Variants in RIMS2 observed in about 807,000 individuals in gnomAD.
RIMS2 encodes regulating synaptic membrane exocytosis protein 2.
A neutral mutation model predicts 174.4 loss-of-function variants in RIMS2; 59 were observed. The observed-to-expected ratio is 0.34, with a 90% CI of 0.27 to 0.42. RIMS2 has a LOEUF of 0.42. Ranked by LOEUF, RIMS2 falls within the 10% of genes least tolerant of loss-of-function variation. The pLI, the probability that RIMS2 is intolerant of heterozygous loss-of-function variation, is 1.00. For synonymous variants in RIMS2, 606 were observed against 572.5 expected (o/e 1.06, Z -0.84); for missense variants, 1,620 against 1,666.3 (o/e 0.97, Z 0.48).
chr8:104,123,289 A>T (rs1599409013), intron 19 of RIMS2, among the ~76,000 whole-genome samples: 1 of 152,170 alleles, frequency 6.6e-6, no homozygotes, highest in Non-Finnish European at 1.5e-5. Flanking sequence ...AACAACTCTA[A>T]AAAGCATTTC....
chr8:103,995,880 A>C (rs1421001215), intron 17 of RIMS2, among the ~76,000 whole-genome samples: 1 of 151,864 alleles, frequency 6.6e-6, no homozygotes, highest in East Asian at 1.9e-4. Context: ...AAGGAGAGAA[A>C]TCTGAGTTAT....
intron 11 of RIMS2, among the ~76,000 whole-genome samples, chr8:103,929,851 T>G (rs573178207): frequency 6.6e-6 from 1 of 151,986 alleles, no homozygotes; most frequent in African/African-American, 2.4e-5. Flanking sequence ...TTTAGTATTT[T>G]GGAGACTTTT....
Position 103,601,747 on chromosome 8 carries a change from T to C in RIMS2, c.177-95339T>C, listed in dbSNP as rs79719536. Among the ~76,000 whole-genome samples the C allele has an allele frequency of 5.3e-4, 80 of 152,222 alleles. 1 individual carries two copies. In the East Asian group the frequency reaches 0.014, roughly 27 times the overall value. ...GGGGTCTTCTCTTTCCTGTCTTTTT[T>C]AGTGAAAGTGATTTCCTCTGGTTTT... On this transcript the variant is annotated intron_variant, in intron 1 of 23. Coordinates refer to ENST00000504942, the Ensembl canonical transcript of RIMS2.
intron 3 of RIMS2, among the ~76,000 whole-genome samples, chr8:103,866,661 A>T (rs534735850): frequency 9.2e-5 from 14 of 152,216 alleles, no homozygotes; most frequent in South Asian, 6.2e-4. Context: ...CTTTTGGATT[A>T]ACGTTGTCTT....
chr8:104,045,246 C>T (rs1468937380), intron 19 of RIMS2, among the ~76,000 whole-genome samples: 3 of 151,620 alleles, frequency 2.0e-5, no homozygotes, highest in Non-Finnish European at 3.0e-5. Flanking sequence ...AATTGCATTA[C>T]GAGGTCCAAT....
At chr8:103,583,782 C>G (rs1165714916) in intron 1 of RIMS2, among the ~76,000 whole-genome samples, 1 of 152,150 alleles carries the variant, frequency 6.6e-6, no homozygotes, top group Non-Finnish European at 1.5e-5. Flanking sequence ...AGAACTAGAA[C>G]TAGCCTCAAA....
At chr8:103,682,223 A>C (rs986594103) in intron 1 of RIMS2, among the ~76,000 whole-genome samples, 4 of 152,130 alleles carry the variant, frequency 2.6e-5, no homozygotes, top group African/African-American at 9.7e-5. Context: ...TACATTTATA[A>C]GTCACTTATA....
chr8:103,709,405 A>T (rs2097275424), intron 2 of RIMS2, among the ~76,000 whole-genome samples: 1 of 129,238 alleles, frequency 7.7e-6, no homozygotes, highest in African/African-American at 3.0e-5. Context: ...GGTGTTGTAT[A>T]TTTTACTTTG....
At chr8:103,888,912 G>A (rs888393922) in intron 4 of RIMS2, among the ~76,000 whole-genome samples, 1 of 151,398 alleles carries the variant, frequency 6.6e-6, no homozygotes, top group Non-Finnish European at 1.5e-5. Context: ...CATGTATTTG[G>A]CAGAAAACTA....
chr8:104,181,747 A>G (rs941982280), intron 19 of RIMS2, among the ~76,000 whole-genome samples: 3 of 151,764 alleles, frequency 2.0e-5, no homozygotes, highest in Non-Finnish European at 3.0e-5. Context: ...CCAAATTAAA[A>G]TTGAAAAAAT....
chr8:104,138,608 T>G (rs1465924232), intron 19 of RIMS2, among the ~76,000 whole-genome samples: 1 of 152,210 alleles, frequency 6.6e-6, no homozygotes, highest in Non-Finnish European at 1.5e-5. Flanking sequence ...TTCGCCCATT[T>G]AAAAATTGGA....
chr8:104,190,736 G>T, intron 19 of RIMS2, among the ~76,000 whole-genome samples: 2 of 152,002 alleles, frequency 1.3e-5, no homozygotes, highest in East Asian at 3.9e-4. Flanking sequence ...GGCAGCCTAT[G>T]AGCATATTGA....
At chr8:104,124,647 A>G (rs1427595426) in intron 19 of RIMS2, among the ~76,000 whole-genome samples, 2 of 152,166 alleles carry the variant, frequency 1.3e-5, no homozygotes, top group Non-Finnish European at 2.9e-5. Context: ...TTTGAGAACT[A>G]TTTTTCTAAT....
intron 19 of RIMS2, among the ~76,000 whole-genome samples, chr8:104,146,435 G>T (rs568223333): frequency 1.5e-4 from 23 of 152,198 alleles, no homozygotes; most frequent in Middle Eastern, 6.8e-3. Context: ...CTTTATTAAA[G>T]TTGTTAGGTT....
At chr8:103,876,920 C>A (rs73293841) in intron 3 of RIMS2, among the ~76,000 whole-genome samples, 17,437 of 60,358 alleles carry the variant, frequency 0.29, 3,760 homozygotes, top group African/African-American at 0.56. Flanking sequence ...ACACACACAC[C>A]CCCATATACA....
Position 103,697,078 on chromosome 8 carries a change from C to T in RIMS2, c.177-8C>T, listed in dbSNP as rs761024082. On this transcript the variant is annotated splice_polypyrimidine_tract_variant and splice_region_variant and intron_variant, in intron 1 of 23. Coordinates refer to ENST00000504942, the Ensembl canonical transcript of RIMS2. ...ACCAACTTTTTTTCTTATCTATTTT[C>T]TCTGCAGAAAACTGCATCAGCAGTT... 6.2e-7 allele frequency: 1 copy of T among 1,602,220 alleles called. No homozygotes were observed. The highest frequency in any genetic ancestry group is 1.1e-5 in the South Asian group (1 of 90,762).
At chr8:103,619,912 T>C (rs532827268) in intron 1 of RIMS2, among the ~76,000 whole-genome samples, 1 of 152,262 alleles carries the variant, frequency 6.6e-6, no homozygotes, top group Admixed American at 6.5e-5. Context: ...TGAACATGTC[T>C]ATGAAACAAA....
At chr8:104,140,977 AT>A (rs949356404) in intron 19 of RIMS2, among the ~76,000 whole-genome samples, 6 of 152,208 alleles carry the variant, frequency 3.9e-5, no homozygotes, top group African/African-American at 1.4e-4. Context: ...AAAAATCATA[AT>A]TTTTGGGTAC....
chr8:103,913,298 G>GGACATAGCAGCACATGCCTGGA (rs2076084307), intron 6 of RIMS2, among the ~76,000 whole-genome samples: 1 of 151,826 alleles, frequency 6.6e-6, no homozygotes, highest in Non-Finnish European at 1.5e-5. Flanking sequence ...TAAATTAGTT[G>GGACATAGCAGCACATGCCTGGA]GACATAGCAG....
Sources: gnomAD v4.1 joint callset for allele counts (sites outside exome capture counted in the v4.1 genomes callset) on GRCh38, gnomAD v4.1.1 for gene constraint, MANE v1.5 for transcripts, NCBI Gene and HGNC (gene_info 2026-07-23, HGNC 2026-07-21) for gene names.